BICRA: variants seen among roughly 807,000 people sequenced by gnomAD.
BICRA encodes BRD4-interacting chromatin-remodeling complex-associated protein.
BICRA carries 31 observed loss-of-function variants against 96.9 expected under a neutral mutation model. The observed-to-expected ratio is 0.32, with a 90% confidence interval of 0.24 to 0.43. BICRA has a LOEUF of 0.43. BICRA is among the 20% of genes least tolerant of loss of function. The pLI is 1.00. For missense variants in BICRA, 2,283 were observed against 2,190.3 expected, an observed-to-expected ratio of 1.04 and a Z score of -0.84; for synonymous variants, 1,350 against 1,071.8, an observed-to-expected ratio of 1.26 and a Z score of -5.07.
chr19:47,657,581 A>T (rs1195783995), intron 1 of BICRA, among the ~76,000 whole-genome samples: 1 of 151,662 alleles, frequency 6.6e-6, no homozygotes, highest in Non-Finnish European at 1.5e-5. Flanking sequence ...TATTTTTAGT[A>T]AAGACGGAGT....
At position 47,675,703 on chromosome 19, in the gene BICRA, T is replaced by C; in HGVS notation, c.85-148T>C. 1.5e-6 allele frequency: 1 copy of C among 678,508 alleles called. No homozygotes were observed. 42.0% of individuals were successfully genotyped at this position (678,508 alleles called of 1,614,324 possible). On this transcript the variant is annotated intron_variant, in intron 4 of 14. Coordinates refer to ENST00000594866, the MANE Select transcript of BICRA (RefSeq NM_001394372.1). The surrounding 1 kb of genome is among the most constrained non-coding windows in gnomAD (Gnocchi z 4.7). ...CAAGCCCCTGCCTTTGGGGCCTCTTTTCGGAGGCGAGAGTTTCCCATACCC... is the reference window on the plus strand; with the variant it reads ...CAAGCCCCTGCCTTTGGGGCCTCTTCTCGGAGGCGAGAGTTTCCCATACCC...
chr19:47,649,396 A>G (rs10415688), intron 1 of BICRA, among the ~76,000 whole-genome samples: 167 of 152,320 alleles, frequency 1.1e-3, no homozygotes, highest in African/African-American at 3.9e-3. Context: ...CTCATAATAT[A>G]TAAGTCAACA....
chr19:47,626,717 GTTT>G (rs35347398), intron 1 of BICRA, among the ~76,000 whole-genome samples: 12 of 101,252 alleles, frequency 1.2e-4, no homozygotes, highest in East Asian at 2.8e-4. Context: ...TGCATCCTGG[GTTT>G]TTTTTTTTTT....
chr19:47,616,954 G>A (rs1013743347), intron 1 of BICRA, among the ~76,000 whole-genome samples: 6 of 151,620 alleles, frequency 4.0e-5, no homozygotes, highest in East Asian at 3.9e-4. Flanking sequence ...TCAGCCTCCC[G>A]AGTAGCTATG....
chr19:47,633,293 T>C (rs934194605), intron 1 of BICRA, among the ~76,000 whole-genome samples: 2 of 152,042 alleles, frequency 1.3e-5, no homozygotes, highest in African/African-American at 2.4e-5. Context: ...TTGGTCAGGC[T>C]GGTCTTGAGC....
At chr19:47,670,014 C>T (rs752366000) in intron 1 of BICRA, among the ~76,000 whole-genome samples, 1 of 151,588 alleles carries the variant, frequency 6.6e-6, no homozygotes, top group Non-Finnish European at 1.5e-5. Context: ...TGTAATGCCA[C>T]TATCCTAGCT....
chr19:47,631,632 CG>C (rs1568551234), intron 1 of BICRA, among the ~76,000 whole-genome samples: 1 of 152,128 alleles, frequency 6.6e-6, no homozygotes, highest in South Asian at 2.1e-4. Context: ...CCCAAAGTTC[CG>C]GGATTACAGA....
At position 47,694,300 on chromosome 19, in the gene BICRA, C is replaced by T; in HGVS notation, c.2469C>T (p.Pro823=). 1 of 881,800 alleles carries T rather than the reference C, an allele frequency of 1.1e-6. No individual in the cohort carries two copies. The highest frequency in any genetic ancestry group is 2.8e-5 in the East Asian group (1 of 35,104). The allele number at this position is 881,800 out of a possible 1,614,324, so 54.6% of individuals were successfully genotyped here. Residue 823 remains proline, a synonymous_variant, in exon 8 of 15, where the codon CCC becomes CCT. Coordinates refer to ENST00000594866, the MANE Select transcript of BICRA (RefSeq NM_001394372.1). ...PPSEPPLHPC[P]PPQAPPTLPG... ...CAGAGCCACCCTTGCACCCTTGCCC[C>T]CCACCCCAGGCCCCCCCAACTCTGC...
Position 47,682,037 on chromosome 19 carries a change from T to A in BICRA, c.2168T>A (p.Ile723Lys). 6.4e-7 allele frequency: 1 copy of A among 1,563,090 alleles called. No individual in the cohort carries two copies. Among genetic ancestry groups the A allele is most frequent in the South Asian group, 1.2e-5 (1 of 86,022 alleles). ...CACCTCTCCGTGCCTGCCTCGGTCA[T>A]AGTCAGCGCCCCGCCTCCCGCCCAA... ...GPHLSVPASV[I>K]VSAPPPAQDP... Residue 723 changes from isoleucine to lysine, a missense_variant, in exon 7 of 15, where the codon ATA (isoleucine) becomes AAA (lysine). By Grantham distance (102) the Ile-to-Lys change is moderately radical. Transcript: ENST00000594866.
At chr19:47,624,434 GT>G (rs1298659441) in intron 1 of BICRA, among the ~76,000 whole-genome samples, 2 of 152,174 alleles carry the variant, frequency 1.3e-5, no homozygotes, top group Non-Finnish European at 2.9e-5. Flanking sequence ...GGATACAAAA[GT>G]TACGTTTATA....
Position 47,682,133 on chromosome 19 carries a change from C to A in BICRA, c.2264C>A (p.Ser755Tyr). The A allele has an allele frequency of 1.3e-6, 2 of 1,482,666 alleles. No homozygotes were observed. The highest frequency in any genetic ancestry group is 1.4e-5 in the African/African-American group (1 of 72,270). 91.8% of individuals were successfully genotyped at this position (1,482,666 alleles called of 1,614,324 possible). A position where few individuals can be genotyped will look rare whatever the true frequency, so the allele number is the denominator to read the frequency against. ...CCTCAGGCCCCCGACAGCCAGGCTT[C>A]CCCGGCTCCGGCCCCCCAGGTAGAG... ...LGPQAPDSQA[S>Y]PAPAPQIPAA... The change falls in exon 7 of 15, where the codon TCC (serine) becomes TAC (tyrosine). Residue 755 changes from serine (S) to tyrosine (Y), a missense_variant. Physicochemically the swap from Ser to Tyr is moderately radical, Grantham distance 144. Transcript: ENST00000594866.
chr19:47,682,834 G>T (rs1418094502), intron 7 of BICRA, among the ~76,000 whole-genome samples: 2 of 152,064 alleles, frequency 1.3e-5, no homozygotes, highest in East Asian at 3.8e-4. Flanking sequence ...ACCATGCTGG[G>T]CTAATTTTTG....
chr19:47,659,967 A>G (rs560146794), intron 1 of BICRA, among the ~76,000 whole-genome samples: 266 of 152,226 alleles, frequency 1.7e-3, no homozygotes, highest in African/African-American at 5.9e-3. Context: ...CCCAGGCTAC[A>G]TATATATCTT....
Position 47,702,261 on chromosome 19 carries a change from A to G in BICRA, c.4529A>G (p.Asn1510Ser), listed in dbSNP as rs767638536. The change falls in exon 15 of 15, where the codon AAC (asparagine) becomes AGC (serine). Residue 1510 changes from asparagine (N) to serine (S), a missense_variant. Coordinates refer to ENST00000594866, the MANE Select transcript of BICRA (RefSeq NM_001394372.1). The part of the protein sequence containing the change: ...HLQSAIDSIL[N>S]LQQAPGRTPA... ...CAGAGCGCCATCGACAGCATCCTGA[A>G]CCTGCAGCAGGCCCCCGGCCGGACG... 1.9e-6 allele frequency: 3 copies of G among 1,597,720 alleles called. No homozygotes were observed. The South Asian group carries it at 3.3e-5, about 18-fold the overall frequency.
At chr19:47,622,472 C>A (rs1972078677) in intron 1 of BICRA, among the ~76,000 whole-genome samples, 1 of 149,974 alleles carries the variant, frequency 6.7e-6, no homozygotes, top group Non-Finnish European at 1.5e-5. Context: ...CGCCTGTAAT[C>A]CCAGCACTTT....
In BICRA at chr19:47,702,773, G is replaced by A; in HGVS notation, c.*358G>A. On this transcript the variant is annotated 3_prime_UTR_variant, in exon 15 of 15. Transcript: ENST00000594866. ...CCACCGGGTTGATGCCAACGCTCCG[G>A]GTGCCTGTCTTGTCTGTGTGGCTTC... The A allele has an allele frequency of 3.4e-6, 1 of 296,442 alleles. No homozygotes were observed. The highest frequency in any genetic ancestry group is 6.2e-6 in the Non-Finnish European group (1 of 160,480). The allele number at this position is 296,442 out of a possible 1,614,324, so 18.4% of individuals were successfully genotyped here. A position where few individuals can be genotyped will look rare whatever the true frequency, so the allele number is the denominator to read the frequency against.
intron 1 of BICRA, among the ~76,000 whole-genome samples, chr19:47,644,516 T>C: frequency 6.9e-6 from 1 of 144,758 alleles, no homozygotes; most frequent in Non-Finnish European, 1.5e-5. Flanking sequence ...CTTTTTTTTC[T>C]TTCTGATGGA....
In BICRA at chr19:47,675,574, G is replaced by A. The variant is rs1972927836; in HGVS notation, c.85-277G>A. On this transcript the variant is annotated intron_variant, in intron 4 of 14. Transcript: ENST00000594866. This position sits in a 1 kb window ranked among gnomAD's most constrained non-coding sequence, Gnocchi z 4.7. Reference sequence around the variant, plus strand: ...GGCAGGGCGCAGCTTGGGCAGAGGCGTGAAGGCAGGATTCCGGAATTCGAG... The same window carrying A: ...GGCAGGGCGCAGCTTGGGCAGAGGCATGAAGGCAGGATTCCGGAATTCGAG... Among the ~76,000 whole-genome samples, 2 of 152,198 alleles carry A rather than the reference G, an allele frequency of 1.3e-5. No individual in the cohort carries two copies. The highest frequency in any genetic ancestry group is 4.8e-5 in the African/African-American group (2 of 41,454).
At chr19:47,673,652 C>G (rs762447003) in intron 3 of BICRA, 37 bp downstream of exon 3, 4 of 1,481,520 alleles carry the variant, frequency 2.7e-6, no homozygotes, top group Admixed American at 3.3e-5. Context: ...CCCTCTGTCT[C>G]AACCCCCTCC....
Sources: gnomAD v4.1 joint callset for allele counts (sites outside exome capture counted in the v4.1 genomes callset) on GRCh38, gnomAD v4.1.1 for gene constraint, Gnocchi (gnomAD v3.1) non-coding constraint, MANE v1.5 for transcripts, NCBI Gene and HGNC (gene_info 2026-07-23, HGNC 2026-07-21) for gene names.